PKHD1: variants seen among roughly 807,000 people sequenced by gnomAD.
The protein encoded by PKHD1 is fibrocystin.
PKHD1 carries 291 observed loss-of-function variants against 412.0 expected under a neutral mutation model. The observed-to-expected ratio is 0.71, with a 90% confidence interval of 0.64 to 0.78. The LOEUF (loss-of-function observed/expected upper bound fraction) is 0.78. PKHD1 is among the 30% of genes least tolerant of loss of function. The pLI is 0.00. For synonymous variants in PKHD1, 1,777 were observed against 1,821.5 expected, an observed-to-expected ratio of 0.98 and a Z score of 0.62; for missense variants, 4,825 against 4,950.7, an observed-to-expected ratio of 0.97 and a Z score of 0.76.
At chr6:51,905,769 G>A (rs1180388407) in intron 41 of PKHD1, among the ~76,000 whole-genome samples, 2 of 152,160 alleles carry the variant, frequency 1.3e-5, no homozygotes, top group Admixed American at 1.3e-4. Flanking sequence ...TTAGGAAACA[G>A]AAGTAGATAG....
intron 60 of PKHD1, among the ~76,000 whole-genome samples, chr6:51,704,726 C>T (rs1278975023): frequency 1.3e-5 from 2 of 151,982 alleles, no homozygotes; most frequent in African/African-American, 4.8e-5. Flanking sequence ...ACAGGTGGAA[C>T]AGAGATGTTG....
intron 37 of PKHD1, among the ~76,000 whole-genome samples, chr6:51,920,582 A>G (rs1397376080): frequency 6.6e-6 from 1 of 152,130 alleles, no homozygotes; most frequent in Non-Finnish European, 1.5e-5. Flanking sequence ...TTGGTCTAAA[A>G]TTCTCTTTTT....
rs374257203 is a variant in PKHD1 at position 52,053,097 on chromosome 6, T to C, written c.2119A>G (p.Ile707Val). Reference protein sequence around the residue: ...TGLFYVDEIIIADTNVTVSQA... With the variant: ...TGLFYVDEIIVADTNVTVSQA... ...TTACCTGTTACGTTTGTGTCTGCAA[T>C]AATAATTTCATCCACATAGAACAGG... is the stretch of plus-strand genomic sequence containing the variant. Residue 707 changes from isoleucine to valine, a missense_variant, in exon 21 of 67, where the codon ATT (isoleucine) becomes GTT (valine). Ile to Val is a conservative substitution (Grantham distance 29). Coordinates refer to ENST00000371117, the MANE Select transcript of PKHD1 (RefSeq NM_138694.4). The C allele has an allele frequency of 1.2e-6, 2 of 1,613,998 alleles. No individual in the cohort carries two copies. The highest frequency in any genetic ancestry group is 1.7e-6 in the Non-Finnish European group (2 of 1,179,954).
At chr6:52,043,353 A>C (rs1264982952) in intron 26 of PKHD1, among the ~76,000 whole-genome samples, 1 of 152,222 alleles carries the variant, frequency 6.6e-6, no homozygotes, top group Admixed American at 6.5e-5. Context: ...AGAAGTGATC[A>C]CTGCTCAATT....
At chr6:51,791,482 A>G in intron 52 of PKHD1, 109 bp from the exon 53 acceptor site, 2 of 957,530 alleles carry the variant, frequency 2.1e-6, no homozygotes, top group South Asian at 2.7e-5. Context: ...TATCTAAACC[A>G]GGACAGGTAT....
In PKHD1 at chr6:51,895,342, C is replaced by CA. The variant is rs1227172589; in HGVS notation, c.6997-8098dup. 3.3e-5 allele frequency among the ~76,000 whole-genome samples: 5 copies of CA among 151,788 alleles called. No individual in the cohort carries two copies. The East Asian group carries it at 7.7e-4, about 23-fold the overall frequency. On this transcript the variant is annotated intron_variant, in intron 43 of 66. Coordinates refer to ENST00000371117, the MANE Select transcript of PKHD1 (RefSeq NM_138694.4). ...ATGGCACATCACAGACAATAGAATG[C>CA]AAAAAAAGACTGAATAACAGAAAGC...
chr6:51,669,279 G>T (rs1031531222), intron 60 of PKHD1, among the ~76,000 whole-genome samples: 1 of 152,230 alleles, frequency 6.6e-6, no homozygotes, highest in Non-Finnish European at 1.5e-5. Context: ...TCTTGGGAGA[G>T]TGTATGTGTC....
chr6:51,628,427 A>G (rs902518595), intron 65 of PKHD1, among the ~76,000 whole-genome samples: 7 of 152,194 alleles, frequency 4.6e-5, no homozygotes, highest in African/African-American at 1.7e-4. Context: ...TTATGGCTGC[A>G]TTCTATTCCA....
chr6:51,854,943 A>G (rs768441179), intron 49 of PKHD1, among the ~76,000 whole-genome samples: 1 of 152,254 alleles, frequency 6.6e-6, no homozygotes, highest in Non-Finnish European at 1.5e-5. Context: ...AGGCAGCTGC[A>G]GCCAGTGCTG....
chr6:52,068,175 G>C lies in PKHD1; in HGVS notation c.778+1282C>G, dbSNP rs1810038755. Among the ~76,000 whole-genome samples, 3 of 152,312 alleles carry C rather than the reference G, an allele frequency of 2.0e-5. No individual in the cohort carries two copies. In the South Asian group the frequency reaches 6.2e-4, roughly 32 times the overall value. ...TAAGCACCACTTTGTCAGTTTTAGA[G>C]ATGCTTAATTAAGGCTCAAAAAGCT... On this transcript the variant is annotated intron_variant, in intron 11 of 66. Coordinates refer to ENST00000371117, the MANE Select transcript of PKHD1 (RefSeq NM_138694.4).
At chr6:51,724,456 C>T (rs182030548) in intron 60 of PKHD1, among the ~76,000 whole-genome samples, 7 of 152,298 alleles carry the variant, frequency 4.6e-5, no homozygotes, top group Non-Finnish European at 1.0e-4. Context: ...CACTCTTACA[C>T]ACATTAATAA....
intron 52 of PKHD1, among the ~76,000 whole-genome samples, chr6:51,816,685 CA>C (rs563750819): frequency 8.5e-5 from 13 of 152,124 alleles, no homozygotes; most frequent in Non-Finnish European, 1.6e-4. Context: ...AAACTGTGTG[CA>C]AAAAAGGCAA....
In PKHD1 at chr6:51,909,396, T is replaced by A; in HGVS notation, c.6569A>T (p.Gln2190Leu). Reference sequence around the variant, plus strand: ...CTGGCTGGGCTCTTCTGGGAAGGACTGAACGATCACTCTGGCTCCCATATC... The same window carrying A: ...CTGGCTGGGCTCTTCTGGGAAGGACAGAACGATCACTCTGGCTCCCATATC... ...SRDMGARVIV[Q>L]SFPEEPSQVQ... The change falls in exon 40 of 67, where the codon CAG becomes CTG. Residue 2190 changes from glutamine (Q) to leucine (L), a missense_variant. Transcript: ENST00000371117. 6.2e-7 allele frequency: 1 copy of A among 1,613,460 alleles called. No individual in the cohort carries two copies. Among genetic ancestry groups the A allele is most frequent in the Non-Finnish European group, 8.5e-7 (1 of 1,179,516 alleles).
At chr6:51,835,863 T>C (rs1371727568) in intron 51 of PKHD1, among the ~76,000 whole-genome samples, 1 of 152,222 alleles carries the variant, frequency 6.6e-6, no homozygotes, top group Admixed American at 6.5e-5. Flanking sequence ...AAAGATTTAT[T>C]CCTCTTGCAA....
At chr6:51,975,992 A>G (rs1432370071) in intron 35 of PKHD1, 2 of 111,688 alleles carry the variant, frequency 1.8e-5, no homozygotes, top group Admixed American at 9.6e-5. Context: ...AAAAAAAAAC[A>G]GAAAACAACT....
At chr6:52,081,707 G>A (rs1256058730) in intron 4 of PKHD1, among the ~76,000 whole-genome samples, 1 of 152,202 alleles carries the variant, frequency 6.6e-6, no homozygotes, top group East Asian at 1.9e-4. Context: ...CAGGGAAAAG[G>A]TGGCATTTGT....
chr6:51,961,188 A>G (rs1791972925), intron 35 of PKHD1, among the ~76,000 whole-genome samples: 1 of 151,676 alleles, frequency 6.6e-6, no homozygotes, highest in South Asian at 2.1e-4. Flanking sequence ...AATACCGACA[A>G]CTACACCTAC....
chr6:51,963,962 T>C (rs150677033), intron 35 of PKHD1, among the ~76,000 whole-genome samples: 1,695 of 152,146 alleles, frequency 0.011, 19 homozygotes, highest in South Asian at 0.031. Flanking sequence ...AGAAAATCAA[T>C]TCCTCATAGG....
chr6:51,895,280 T>C (rs188207196), intron 43 of PKHD1, among the ~76,000 whole-genome samples: 1 of 152,156 alleles, frequency 6.6e-6, no homozygotes, highest in African/African-American at 2.4e-5. Flanking sequence ...ACAGGTTTTT[T>C]TCACGTATAC....
Sources: gnomAD v4.1 joint callset for allele counts (sites outside exome capture counted in the v4.1 genomes callset) on GRCh38, gnomAD v4.1.1 for gene constraint, MANE v1.5 for transcripts, NCBI Gene and HGNC (gene_info 2026-07-23, HGNC 2026-07-21) for gene names.